The following GAS7 variants were observed in gnomAD, a reference collection of about 807,000 sequenced individuals.
The protein encoded by GAS7 is growth arrest-specific protein 7.
A neutral mutation model predicts 71.1 loss-of-function variants in GAS7; 28 were observed. The ratio of observed to expected loss-of-function variants is 0.39; its 90% CI spans 0.29 to 0.54. GAS7 has a LOEUF of 0.54. Ranked by LOEUF, GAS7 falls within the 20% of genes least tolerant of loss-of-function variation. The pLI is 0.62. For synonymous variants in GAS7, 258 were observed against 245.8 expected (o/e 1.05, Z -0.46); for missense variants, 436 against 627.8 (o/e 0.69, Z 3.27).
At chr17:10,189,056 T>A (rs909276493) in intron 1 of GAS7, among the ~76,000 whole-genome samples, 2 of 152,248 alleles carry the variant, frequency 1.3e-5, no homozygotes, top group African/African-American at 4.8e-5. Flanking sequence ...ACTTTCTACA[T>A]TAAGGAACTT....
intron 1 of GAS7, among the ~76,000 whole-genome samples, chr17:10,074,997 C>T (rs1313169867): frequency 6.6e-6 from 1 of 150,978 alleles, no homozygotes; most frequent in Non-Finnish European, 1.5e-5. Flanking sequence ...AAGCACCGGA[C>T]AAAACTCGAC....
At chr17:10,043,773 A>C (rs1393439071) in intron 1 of GAS7, among the ~76,000 whole-genome samples, 2 of 152,076 alleles carry the variant, frequency 1.3e-5, no homozygotes, top group African/African-American at 2.4e-5. Flanking sequence ...AGTGAAGATA[A>C]AAAATAAAAA....
chr17:10,043,671 T>G (rs756911747), intron 1 of GAS7, among the ~76,000 whole-genome samples: 2 of 152,092 alleles, frequency 1.3e-5, no homozygotes, highest in Non-Finnish European at 2.9e-5. Context: ...TCCCAACACC[T>G]TGGGAGGCTG....
intron 1 of GAS7, among the ~76,000 whole-genome samples, chr17:10,119,020 T>C (rs1322239938): frequency 1.3e-5 from 2 of 152,160 alleles, no homozygotes; most frequent in African/African-American, 2.4e-5. Context: ...ATGGAGCATA[T>C]ACCATGCACC....
intron 1 of GAS7, among the ~76,000 whole-genome samples, chr17:10,044,645 AT>A (rs1374663921): frequency 3.9e-5 from 6 of 152,300 alleles, no homozygotes; most frequent in Non-Finnish European, 7.4e-5. Context: ...TCTGTCTTCA[AT>A]TTTTTTCAAA....
chr17:10,047,891 A>G (rs1228359781), intron 1 of GAS7, among the ~76,000 whole-genome samples: 1 of 152,254 alleles, frequency 6.6e-6, no homozygotes, highest in African/African-American at 2.4e-5. Flanking sequence ...TATGTAACAT[A>G]TATGTTTAAA....
chr17:10,101,266 G>A (rs150142142), intron 1 of GAS7, among the ~76,000 whole-genome samples: 1 of 152,158 alleles, frequency 6.6e-6, no homozygotes, highest in South Asian at 2.1e-4. Flanking sequence ...AATCAGAGGA[G>A]AATCTGCTTC....
rs2070116227 is a variant in GAS7, at chr17:9,974,714, T to C, written c.386-4952A>G. Reference sequence around the variant, plus strand: ...GTCTAATGAGAGGAGGGGACAGATATTTGGGTAGAAAAGAGGAGGGAGGTC... The same window carrying C: ...GTCTAATGAGAGGAGGGGACAGATACTTGGGTAGAAAAGAGGAGGGAGGTC... On this transcript the variant is annotated intron_variant, in intron 3 of 13. Coordinates refer to ENST00000432992, the MANE Select transcript of GAS7 (RefSeq NM_201433.2). This position sits in a 1 kb window ranked among gnomAD's most constrained non-coding sequence, Gnocchi z 4.0. Among the ~76,000 whole-genome samples the C allele has an allele frequency of 6.6e-6, 1 of 151,990 alleles. No homozygotes were observed. Among genetic ancestry groups the C allele is most frequent in the Non-Finnish European group, 1.5e-5 (1 of 68,006 alleles).
intron 1 of GAS7, among the ~76,000 whole-genome samples, chr17:10,030,652 G>A (rs1254016934): frequency 1.3e-5 from 2 of 152,202 alleles, no homozygotes; most frequent in Non-Finnish European, 2.9e-5. Context: ...TAGTGAGCAG[G>A]GCTGCCTCCT....
intron 1 of GAS7, among the ~76,000 whole-genome samples, chr17:10,091,751 G>C (rs893955847): frequency 6.6e-6 from 1 of 151,922 alleles, no homozygotes; most frequent in Non-Finnish European, 1.5e-5. Context: ...ACACCATCTC[G>C]GCTCACTGCA....
chr17:10,168,383 T>C (rs1366509189), intron 1 of GAS7, among the ~76,000 whole-genome samples: 1 of 152,218 alleles, frequency 6.6e-6, no homozygotes, highest in African/African-American at 2.4e-5. Flanking sequence ...CCTAGGGAAG[T>C]AGTTGAAGGT....
At chr17:10,081,209 C>T (rs1028465363) in intron 1 of GAS7, among the ~76,000 whole-genome samples, 22 of 152,254 alleles carry the variant, frequency 1.4e-4, no homozygotes, top group African/African-American at 5.1e-4. Context: ...GGCTGGAGTG[C>T]GATGGCGCGA....
At chr17:10,029,210 T>A (rs1355456799) in intron 1 of GAS7, among the ~76,000 whole-genome samples, 1 of 152,148 alleles carries the variant, frequency 6.6e-6, no homozygotes, top group African/African-American at 2.4e-5. Flanking sequence ...AAAAGACATC[T>A]CCGGTGCATG....
chr17:10,181,358 T>C (rs200740451), intron 1 of GAS7, among the ~76,000 whole-genome samples: 9 of 86,544 alleles, frequency 1.0e-4, no homozygotes, highest in Non-Finnish European at 1.6e-4. Flanking sequence ...AGACTCCACC[T>C]CAAAAAAAAA....
Position 9,969,754 on chromosome 17 carries a change from A to G in GAS7, c.394T>C (p.Tyr132His). 1 of 1,606,570 alleles carries G rather than the reference A, an allele frequency of 6.2e-7. No homozygotes were observed. Among genetic ancestry groups the G allele is most frequent in the Non-Finnish European group, 8.5e-7 (1 of 1,173,180 alleles). ...TGCGCTGGGGTCCCTGATGCGTGGT[A>G]TCCATTCACTGCAGGGACAGAGACA... ...RSSLPPTVNG[Y>H]HASGTPAHPP... Residue 132 changes from tyrosine (Y) to histidine (H), a missense_variant, in exon 4 of 14, where the codon TAC (tyrosine) becomes CAC (histidine). Coordinates refer to ENST00000432992, the MANE Select transcript of GAS7 (RefSeq NM_201433.2). The surrounding 1 kb of genome is among the most constrained non-coding windows in gnomAD (Gnocchi z 5.5).
intron 1 of GAS7, among the ~76,000 whole-genome samples, chr17:10,070,607 GC>G (rs2073330791): frequency 6.6e-6 from 1 of 151,916 alleles, no homozygotes; most frequent in African/African-American, 2.4e-5. Context: ...CTGGTGATCT[GC>G]CTGCCTCAGC....
At chr17:10,194,248 T>C (rs756379775) in intron 1 of GAS7, among the ~76,000 whole-genome samples, 5 of 152,222 alleles carry the variant, frequency 3.3e-5, no homozygotes, top group Non-Finnish European at 5.9e-5. Flanking sequence ...CTATTTTGTT[T>C]GCATTCCAAT....
Position 9,977,007 on chromosome 17 carries a change from G to A in GAS7, c.385+4797C>T, listed in dbSNP as rs915486162. On this transcript the variant is annotated intron_variant, in intron 3 of 13. Coordinates refer to ENST00000432992, the MANE Select transcript of GAS7 (RefSeq NM_201433.2). ...CCAAGAACAGAAAAAGGACATGAAT[G>A]GAAAAACTCATGACATCTGAATAAA... 3.3e-5 allele frequency among the ~76,000 whole-genome samples: 5 copies of A among 152,200 alleles called. No homozygotes were observed. In the South Asian group the frequency reaches 1.0e-3, roughly 32 times the overall value.
At chr17:9,962,993 T>C (rs2069558853) in intron 4 of GAS7, among the ~76,000 whole-genome samples, 1 of 140,642 alleles carries the variant, frequency 7.1e-6, no homozygotes, top group Non-Finnish European at 1.5e-5. Context: ...GGTTATTCTA[T>C]AAGACACCTG....
Sources: gnomAD v4.1 joint callset for allele counts (sites outside exome capture counted in the v4.1 genomes callset) on GRCh38, gnomAD v4.1.1 for gene constraint, Gnocchi (gnomAD v3.1) non-coding constraint, MANE v1.5 for transcripts, NCBI Gene and HGNC (gene_info 2026-07-23, HGNC 2026-07-21) for gene names.